The following ADGRV1 variants were observed in gnomAD, a reference collection of about 807,000 sequenced individuals.
The protein encoded by ADGRV1 is G-protein coupled receptor 98.
A neutral mutation model predicts 596.2 loss-of-function variants in ADGRV1; 359 were observed. The observed-to-expected ratio is 0.60, with a 90% CI of 0.55 to 0.66. The LOEUF (loss-of-function observed/expected upper bound fraction) is 0.66. Ranked by LOEUF, ADGRV1 falls within the 30% of genes least tolerant of loss-of-function variation. The pLI is 0.00. For synonymous variants in ADGRV1, 2,681 were observed against 2,679.2 expected (o/e 1.00, Z -0.02); for missense variants, 7,274 against 7,575.6 (o/e 0.96, Z 1.48).
intron 86 of ADGRV1, among the ~76,000 whole-genome samples, chr5:91,076,327 T>C (rs568959987): frequency 6.6e-6 from 1 of 152,294 alleles, no homozygotes; most frequent in Admixed American, 6.5e-5. Context: ...TTAGTCATTG[T>C]AGCACTTATC....
chr5:90,636,492 C>T (rs1400212324), intron 10 of ADGRV1, among the ~76,000 whole-genome samples: 1 of 152,124 alleles, frequency 6.6e-6, no homozygotes, highest in African/African-American at 2.4e-5. Context: ...TTAGTTTGCT[C>T]TTAAAGAGTT....
At chr5:90,811,450 T>C (rs1762433499) in intron 74 of ADGRV1, 112 bp downstream of exon 74, 3 of 1,004,296 alleles carry the variant, frequency 3.0e-6, no homozygotes, top group East Asian at 2.6e-5. Flanking sequence ...AAGTTATTCA[T>C]AGGAATGCAT....
chr5:90,837,306 G>A (rs954993720), intron 77 of ADGRV1, among the ~76,000 whole-genome samples: 1 of 151,354 alleles, frequency 6.6e-6, no homozygotes, highest in African/African-American at 2.4e-5. Context: ...GAAAGACCAT[G>A]TGTTTTCCTT....
Position 90,653,409 on chromosome 5 carries a change from G to A in ADGRV1, c.3835G>A (p.Gly1279Ser), listed in dbSNP as rs1300920802. 1.2e-6 allele frequency: 2 copies of A among 1,613,924 alleles called. No homozygotes were observed. Among genetic ancestry groups the A allele is most frequent in the Admixed American group, 1.7e-5 (1 of 60,000 alleles). ...CATTTTGAGGCAGCAGGGTGTGTTT[G>A]GTGATGTACAACTGGGCTGGGAAAT... ...FTILRQQGVF[G>S]DVQLGWEILS... The change falls in exon 20 of 90, where the codon GGT becomes AGT. Residue 1279 changes from glycine (G) to serine (S), a missense_variant. By Grantham distance (56) the Gly-to-Ser change is moderately conservative. Around this residue, in one of 5 missense-constraint regions of ADGRV1, gnomAD observed 1,715 missense variants for 1,708.8 expected, o/e 1.00. Coordinates refer to ENST00000405460, the MANE Select transcript of ADGRV1 (RefSeq NM_032119.4).
At chr5:90,883,942 G>A (rs1770037335) in intron 83 of ADGRV1, among the ~76,000 whole-genome samples, 1 of 152,114 alleles carries the variant, frequency 6.6e-6, no homozygotes, top group African/African-American at 2.4e-5. Flanking sequence ...CTTAGTTTGT[G>A]CATCATCCAT....
intron 85 of ADGRV1, among the ~76,000 whole-genome samples, chr5:90,996,534 C>T (rs1417945490): frequency 6.6e-6 from 1 of 152,102 alleles, no homozygotes; most frequent in Admixed American, 6.5e-5. Flanking sequence ...AGGGGTAGGA[C>T]CCTCATGGAG....
chr5:91,060,192 T>TG (rs527661054), intron 85 of ADGRV1, among the ~76,000 whole-genome samples: 3 of 151,916 alleles, frequency 2.0e-5, no homozygotes, highest in Non-Finnish European at 4.4e-5. Context: ...TGTTTGTTGC[T>TG]GGGGGGCGGG....
intron 1 of ADGRV1, among the ~76,000 whole-genome samples, chr5:90,595,779 G>A (rs1346451991): frequency 8.5e-5 from 12 of 140,670 alleles, no homozygotes; most frequent in East Asian, 4.6e-4. Context: ...GTGGCTGGCC[G>A]GGCGGGAGGC....
chr5:90,878,051 A>G (rs896288165), intron 83 of ADGRV1, among the ~76,000 whole-genome samples: 2 of 152,198 alleles, frequency 1.3e-5, no homozygotes, highest in African/African-American at 4.8e-5. Flanking sequence ...ATGCCACAGG[A>G]AAATATTTGT....
At chr5:90,672,084 A>G (rs1347322321) in intron 21 of ADGRV1, among the ~76,000 whole-genome samples, 1 of 152,148 alleles carries the variant, frequency 6.6e-6, no homozygotes, top group African/African-American at 2.4e-5. Context: ...CTGTGCCTAG[A>G]AAGTTCTCTC....
At chr5:91,159,558 G>A (rs1295622730) in intron 89 of ADGRV1, among the ~76,000 whole-genome samples, 3 of 152,038 alleles carry the variant, frequency 2.0e-5, no homozygotes, top group African/African-American at 4.8e-5. Context: ...TAAAATATTC[G>A]ACTTTCTATG....
chr5:90,577,014 T>G (rs1432824154), intron 1 of ADGRV1, among the ~76,000 whole-genome samples: 1 of 152,240 alleles, frequency 6.6e-6, no homozygotes, highest in Admixed American at 6.5e-5. Context: ...ATTCTGGATA[T>G]TAGCCATTTG....
chr5:90,869,654 T>C (rs1294850989), intron 83 of ADGRV1, among the ~76,000 whole-genome samples: 1 of 152,192 alleles, frequency 6.6e-6, no homozygotes, highest in African/African-American at 2.4e-5. Context: ...TTTTGCCTTA[T>C]TAAATTTCTG....
chr5:90,896,267 G>GTGTTTT, intron 83 of ADGRV1, among the ~76,000 whole-genome samples: 1 of 84,878 alleles, frequency 1.2e-5, no homozygotes, highest in South Asian at 5.0e-4. Context: ...GTGACCAGTG[G>GTGTTTT]TTTTTTTTTT....
At chr5:90,873,292 G>A (rs1421797664) in intron 83 of ADGRV1, among the ~76,000 whole-genome samples, 1 of 152,172 alleles carries the variant, frequency 6.6e-6, no homozygotes, top group Non-Finnish European at 1.5e-5. Flanking sequence ...TCTGTGTTCT[G>A]CCAGGATGGG....
intron 20 of ADGRV1, chr5:90,655,913 G>A (rs1769336065): frequency 6.6e-6 from 1 of 152,064 alleles, no homozygotes; most frequent in African/African-American, 2.4e-5. Flanking sequence ...TAAGCATACT[G>A]TTAACATGTT....
intron 64 of ADGRV1, 196 bp from the exon 65 acceptor site, chr5:90,781,234 C>T (rs1026336525): frequency 3.3e-6 from 2 of 597,942 alleles, no homozygotes; most frequent in African/African-American, 3.7e-5. Flanking sequence ...TCATTGGGAG[C>T]AACACAGAAA....
Position 90,863,828 on chromosome 5 carries a change from C to T in ADGRV1, c.17827C>T (p.His5943Tyr), listed in dbSNP as rs776479568. The part of the protein sequence containing the change: ...YSMFAAKLLT[H>Y]MMAASLGTQI... ...CATGTTTGCAGCTAAACTTCTGACT[C>T]ACATGATGGCAGCCAGCTTAGGTAC... Residue 5943 changes from histidine (H) to tyrosine (Y), a missense_variant, in exon 83 of 90, where the codon CAC becomes TAC. Physicochemically the swap from His to Tyr is moderately conservative, Grantham distance 83. This residue lies in a region of ADGRV1 where 1,874 missense variants were observed against 1,970.2 expected (regional missense o/e 0.95). Coordinates refer to ENST00000405460, the MANE Select transcript of ADGRV1 (RefSeq NM_032119.4). The T allele has an allele frequency of 1.9e-6, 3 of 1,613,106 alleles. No homozygotes were observed. The South Asian group carries it at 3.3e-5, about 18-fold the overall frequency.
chr5:90,764,290 A>G (rs75050927), intron 59 of ADGRV1, among the ~76,000 whole-genome samples: 4,960 of 152,286 alleles, frequency 0.033, 304 homozygotes, highest in African/African-American at 0.11. Context: ...CTCCAGGGCA[A>G]GCAACTTCAC....
Sources: gnomAD v4.1 joint callset for allele counts (sites outside exome capture counted in the v4.1 genomes callset) on GRCh38, gnomAD v4.1.1 for gene constraint, gnomAD v4.1.1 regional missense constraint, MANE v1.5 for transcripts, NCBI Gene and HGNC (gene_info 2026-07-23, HGNC 2026-07-21) for gene names.